Variants in OR9Q1 observed in about 807,000 individuals in gnomAD.
The protein encoded by OR9Q1 is olfactory receptor family 9 subfamily Q member 1.
For synonymous variants in OR9Q1, 153 were observed against 148.6 expected (o/e 1.03, Z -0.22); for missense variants, 374 against 378.8 (o/e 0.99, Z 0.11).
intron 2 of OR9Q1, chr11:58,059,781 G>A (rs555816232): frequency 1.3e-5 from 2 of 148,166 alleles, no homozygotes; most frequent in Middle Eastern, 3.5e-3. Context: ...TATTATTATA[G>A]TTTTATTAAC....
intron 2 of OR9Q1, among the ~76,000 whole-genome samples, chr11:58,073,918 CTG>C (rs1457277957): frequency 6.6e-6 from 1 of 152,046 alleles, no homozygotes; most frequent in Non-Finnish European, 1.5e-5. Flanking sequence ...TTTTCTATTC[CTG>C]TGTTAGTTTG....
At chr11:58,136,698 G>C (rs1324480627) in intron 2 of OR9Q1, among the ~76,000 whole-genome samples, 1 of 152,070 alleles carries the variant, frequency 6.6e-6, no homozygotes, top group Non-Finnish European at 1.5e-5. Context: ...AGCGACCATT[G>C]GGCAACCTTA....
At chr11:58,165,142 C>T (rs534820618) in intron 2 of OR9Q1, among the ~76,000 whole-genome samples, 5 of 152,260 alleles carry the variant, frequency 3.3e-5, no homozygotes, top group Non-Finnish European at 7.4e-5. Context: ...CAGGGTTCTC[C>T]CCTGTGCCCC....
intron 2 of OR9Q1, among the ~76,000 whole-genome samples, chr11:58,167,532 TAAAAC>T (rs1854516563): frequency 6.6e-6 from 1 of 152,336 alleles, no homozygotes; most frequent in Admixed American, 6.5e-5. Context: ...CTTACTGGCT[TAAAAC>T]AATAAGCATT....
At chr11:58,027,502 A>G (rs901182397) in intron 1 of OR9Q1, among the ~76,000 whole-genome samples, 1 of 152,210 alleles carries the variant, frequency 6.6e-6, no homozygotes. Context: ...CCCACAGAGA[A>G]GAATATGTGG....
intron 2 of OR9Q1, among the ~76,000 whole-genome samples, chr11:58,107,161 G>C (rs944305792): frequency 4.6e-5 from 7 of 151,600 alleles, no homozygotes; most frequent in African/African-American, 1.7e-4. Context: ...TGTGCAGAAT[G>C]TGCAGGTTTG....
At chr11:58,030,553 A>G (rs751566638) in intron 1 of OR9Q1, among the ~76,000 whole-genome samples, 7 of 152,242 alleles carry the variant, frequency 4.6e-5, no homozygotes, top group Middle Eastern at 3.4e-3. Context: ...AGTTTCCCCA[A>G]TGCACAATCT....
chr11:58,113,447 A>G (rs1853921343), intron 2 of OR9Q1, among the ~76,000 whole-genome samples: 1 of 152,202 alleles, frequency 6.6e-6, no homozygotes, highest in Admixed American at 6.5e-5. Context: ...CAGGACAGCC[A>G]GAGGCTAGGA....
At chr11:58,160,363 G>A (rs1190812996) in intron 2 of OR9Q1, among the ~76,000 whole-genome samples, 1 of 152,212 alleles carries the variant, frequency 6.6e-6, no homozygotes, top group Non-Finnish European at 1.5e-5. Flanking sequence ...GATAACTACA[G>A]ATTGAATGTG....
At chr11:58,143,218 T>C (rs1468270930) in intron 2 of OR9Q1, among the ~76,000 whole-genome samples, 1 of 152,210 alleles carries the variant, frequency 6.6e-6, no homozygotes, top group Non-Finnish European at 1.5e-5. Flanking sequence ...ATGTGCAACA[T>C]ACTGTGTAAA....
chr11:58,031,072 C>T, intron 1 of OR9Q1: 1 of 1,614,184 alleles, frequency 6.2e-7, no homozygotes, highest in Non-Finnish European at 8.5e-7. Flanking sequence ...ACCTGTTCAC[C>T]TTGGTGGAGA....
intron 2 of OR9Q1, among the ~76,000 whole-genome samples, chr11:58,123,370 T>G (rs1036220254): frequency 1.3e-5 from 2 of 152,302 alleles, no homozygotes; most frequent in Admixed American, 1.3e-4. Context: ...CTTCTGAAAT[T>G]GTTGTAGGTC....
chr11:58,174,831 C>G (rs536056574), intron 2 of OR9Q1, among the ~76,000 whole-genome samples: 1 of 151,224 alleles, frequency 6.6e-6, no homozygotes, highest in African/African-American at 2.4e-5. Context: ...TAAGGCCAGG[C>G]GCAGTGGCTC....
At chr11:58,147,473 A>G (rs1854309610) in intron 2 of OR9Q1, among the ~76,000 whole-genome samples, 2 of 152,222 alleles carry the variant, frequency 1.3e-5, no homozygotes, top group South Asian at 4.1e-4. Flanking sequence ...TCAAATGTAA[A>G]AACAAAGAAA....
chr11:58,166,805 T>C (rs1387766214), intron 2 of OR9Q1, among the ~76,000 whole-genome samples: 1 of 151,994 alleles, frequency 6.6e-6, no homozygotes, highest in Non-Finnish European at 1.5e-5. Flanking sequence ...GCTCTGAGGA[T>C]CAGTGAAGGG....
chr11:58,164,129 C>T (rs1854479697), intron 2 of OR9Q1, among the ~76,000 whole-genome samples: 1 of 152,088 alleles, frequency 6.6e-6, no homozygotes, highest in Non-Finnish European at 1.5e-5. Flanking sequence ...AGGATATTCC[C>T]CCACCTTGTC....
chr11:58,079,240 C>T (rs1490589223), intron 2 of OR9Q1, among the ~76,000 whole-genome samples: 1 of 151,532 alleles, frequency 6.6e-6, no homozygotes, highest in Non-Finnish European at 1.5e-5. Context: ...ACTCTGAGTT[C>T]TGAGTCTTTT....
At chr11:58,031,391 C>A (rs141178751) in intron 1 of OR9Q1, 5 of 1,614,184 alleles carry the variant, frequency 3.1e-6, no homozygotes, top group Non-Finnish European at 3.4e-6. Flanking sequence ...CACCTGCATC[C>A]GTCTGGCAGC....
rs185424068 is a variant in OR9Q1, at chr11:58,161,942, A to C, written c.-14-17489A>C. Among the ~76,000 whole-genome samples, 273 of 152,318 alleles carry C rather than the reference A, an allele frequency of 1.8e-3. 4 individuals carry two copies. Among genetic ancestry groups the C allele is most frequent in the Non-Finnish European group, 2.8e-4 (19 of 68,032 alleles). On this transcript the variant is annotated intron_variant, in intron 2 of 2. Transcript: ENST00000335397. ...AACAGCAAGCTCAAGGTTCCTCAAA[A>C]TAGCATTGCTCAGAGCTTTCCTCGC... is the stretch of plus-strand genomic sequence containing the variant.
Sources: allele counts gnomAD v4.1 joint callset (sites outside exome capture counted in the v4.1 genomes callset), GRCh38; gene constraint gnomAD v4.1.1; transcripts MANE v1.5; gene names NCBI Gene and HGNC (gene_info 2026-07-23, HGNC 2026-07-21).